MAPK10: variants seen among roughly 807,000 people sequenced by gnomAD.
MAPK10 encodes the protein JNK3 alpha protein kinase.
A neutral mutation model predicts 59.3 loss-of-function variants in MAPK10; 25 were observed. The observed-to-expected ratio is 0.42, with a 90% CI of 0.31 to 0.59. The LOEUF is 0.59. Among genes scored for constraint, MAPK10 ranks in the 20% least tolerant of loss-of-function variants. MAPK10 has a pLI of 0.15. For missense variants in MAPK10, 351 were observed against 568.9 expected, an observed-to-expected ratio of 0.62 and a Z score of 3.90; for synonymous variants, 190 against 200.5, an observed-to-expected ratio of 0.95 and a Z score of 0.44.
At chr4:86,430,737 G>A (rs566407363) in intron 1 of MAPK10, among the ~76,000 whole-genome samples, 1 of 152,116 alleles carries the variant, frequency 6.6e-6, no homozygotes, top group South Asian at 2.1e-4. Context: ...GGCCCTGAGA[G>A]GAAAGGGGAC....
At chr4:86,430,599 A>T (rs1294509793) in intron 1 of MAPK10, among the ~76,000 whole-genome samples, 3 of 152,200 alleles carry the variant, frequency 2.0e-5, no homozygotes, top group Non-Finnish European at 4.4e-5. Context: ...GGATTGCAAG[A>T]AAGGCATATA....
At chr4:86,176,473 C>CA (rs2075706719) in intron 3 of MAPK10, among the ~76,000 whole-genome samples, 1 of 152,054 alleles carries the variant, frequency 6.6e-6, no homozygotes, top group Non-Finnish European at 1.5e-5. Flanking sequence ...AAAAAGAAGT[C>CA]AAAATCTGAC....
chr4:86,202,131 A>G (rs1183973159), intron 2 of MAPK10, among the ~76,000 whole-genome samples: 2 of 151,904 alleles, frequency 1.3e-5, no homozygotes, highest in Admixed American at 6.6e-5. Context: ...TTTAAGGTTT[A>G]TTTGTAATCA....
At chr4:86,061,262 T>C (rs2045704129) in intron 11 of MAPK10, among the ~76,000 whole-genome samples, 1 of 152,160 alleles carries the variant, frequency 6.6e-6, no homozygotes, top group African/African-American at 2.4e-5. Context: ...GTGTAATATA[T>C]TTGCCCTCTT....
chr4:86,337,316 T>G (rs900368753), intron 2 of MAPK10, among the ~76,000 whole-genome samples: 1 of 152,230 alleles, frequency 6.6e-6, no homozygotes, highest in African/African-American at 2.4e-5. Context: ...AATGATTTTC[T>G]GCACTAATGA....
At chr4:86,553,082 A>G (rs1759982948) in intron 1 of MAPK10, among the ~76,000 whole-genome samples, 1 of 152,198 alleles carries the variant, frequency 6.6e-6, no homozygotes, top group South Asian at 2.1e-4. Context: ...TTCAACAAAA[A>G]TAGGATGCTG....
intron 2 of MAPK10, among the ~76,000 whole-genome samples, chr4:86,250,514 G>A (rs1433659371): frequency 3.3e-5 from 5 of 152,144 alleles, no homozygotes; most frequent in Non-Finnish European, 5.9e-5. Context: ...GAGAATTTTA[G>A]AGTGAAAAAA....
chr4:86,575,903 A>G lies in MAPK10; in HGVS notation c.-263+18007T>C, dbSNP rs1335957497. On this transcript the variant is annotated intron_variant, in intron 1 of 4. Transcript: ENST00000502302. ...AAGATAACAATAAACAGAAAAAAAT[A>G]GCATTTGGAGTAAATAAAGTATCAC... 2.0e-5 allele frequency among the ~76,000 whole-genome samples: 3 copies of G among 152,050 alleles called. 1 individual carries two copies. Among genetic ancestry groups the G allele is most frequent in the South Asian group, 4.2e-4 (2 of 4,804 alleles).
intron 2 of MAPK10, 131 bp downstream of exon 2, chr4:86,354,399 T>G: frequency 2.4e-6 from 1 of 410,508 alleles, no homozygotes; most frequent in Non-Finnish European, 4.2e-6. Context: ...CTATTGATTT[T>G]CACTTCTGTA....
intron 11 of MAPK10, among the ~76,000 whole-genome samples, chr4:86,033,372 C>G (rs182007802): frequency 6.6e-6 from 1 of 152,348 alleles, no homozygotes; most frequent in East Asian, 1.9e-4. Context: ...CCAGAGCCCT[C>G]TGAGCTGTTG....
chr4:86,042,648 A>G lies in MAPK10; in HGVS notation c.1111-11217T>C, dbSNP rs569832998. On this transcript the variant is annotated intron_variant, in intron 11 of 13. Transcript: ENST00000641462. Reference sequence around the variant, plus strand: ...TAAAGTAGCTTGTTATAACTATAAGATGTTTTTGTAATTCTCATGGTAACC... The same window carrying G: ...TAAAGTAGCTTGTTATAACTATAAGGTGTTTTTGTAATTCTCATGGTAACC... Among the ~76,000 whole-genome samples, 3 of 152,272 alleles carry G rather than the reference A, an allele frequency of 2.0e-5. No individual in the cohort carries two copies. The East Asian group carries it at 5.8e-4, about 29-fold the overall frequency.
intron 1 of MAPK10, among the ~76,000 whole-genome samples, chr4:86,398,669 G>A (rs1469684007): frequency 2.0e-5 from 3 of 152,198 alleles, no homozygotes; most frequent in South Asian, 4.2e-4. Flanking sequence ...GGTACATTGC[G>A]TGATGCTGAA....
At chr4:86,552,447 AGGAAGGAAGGAAGGAGGGAGGGAG>A (rs1759876590) in intron 1 of MAPK10, among the ~76,000 whole-genome samples, 1 of 88,224 alleles carries the variant, frequency 1.1e-5, no homozygotes, top group Non-Finnish European at 2.3e-5. Context: ...GAAGGAAGGA[AGGAAGGAAGGAAGGAGGGAGGGAG>A]GGAGGGAGGG....
intron 2 of MAPK10, among the ~76,000 whole-genome samples, chr4:86,211,076 C>T (rs1257231981): frequency 6.6e-6 from 1 of 151,518 alleles, no homozygotes; most frequent in African/African-American, 2.4e-5. Flanking sequence ...TTAAACGAAG[C>T]CTAAGCAACC....
intron 10 of MAPK10, among the ~76,000 whole-genome samples, chr4:86,067,196 C>T (rs946789889): frequency 1.3e-5 from 2 of 152,124 alleles, no homozygotes; most frequent in African/African-American, 4.8e-5. Context: ...GGCTGGAATG[C>T]AGTTGCCCGA....
intron 1 of MAPK10, among the ~76,000 whole-genome samples, chr4:86,421,893 T>G (rs1746588745): frequency 6.6e-6 from 1 of 152,156 alleles, no homozygotes; most frequent in Non-Finnish European, 1.5e-5. Flanking sequence ...AATCTGGTTT[T>G]TGTTCCCATC....
chr4:86,143,570 A>G (rs1039191338), intron 4 of MAPK10, among the ~76,000 whole-genome samples: 2 of 152,182 alleles, frequency 1.3e-5, no homozygotes, highest in African/African-American at 4.8e-5. Context: ...ATTTCAGAGT[A>G]TATTGTAATA....
intron 2 of MAPK10, among the ~76,000 whole-genome samples, chr4:86,288,495 G>A (rs758861119): frequency 6.6e-6 from 1 of 151,928 alleles, no homozygotes; most frequent in Non-Finnish European, 1.5e-5. Flanking sequence ...AACCAGAGAT[G>A]GGCTGTATTG....
rs186235489 is a variant in MAPK10, at chr4:86,550,100, C to T, written c.-263+43810G>A. Among the ~76,000 whole-genome samples the T allele has an allele frequency of 3.4e-4, 52 of 152,118 alleles. 1 individual carries two copies. The highest frequency in any genetic ancestry group is 1.2e-3 in the African/African-American group (50 of 41,488). On this transcript the variant is annotated intron_variant, in intron 1 of 4. Coordinates refer to the MAPK10 transcript ENST00000502302. ...AGAAACTTCTCCATGCAAATTTATACTAAGAGACATCTTTATCTCAAACCT... is the reference window on the plus strand; with the variant it reads ...AGAAACTTCTCCATGCAAATTTATATTAAGAGACATCTTTATCTCAAACCT...
Sources: gnomAD v4.1 joint callset for allele counts (sites outside exome capture counted in the v4.1 genomes callset) on GRCh38, gnomAD v4.1.1 for gene constraint, MANE v1.5 for transcripts, NCBI Gene and HGNC (gene_info 2026-07-23, HGNC 2026-07-21) for gene names.